TMEM87B: variants seen among roughly 807,000 people sequenced by gnomAD.
TMEM87B encodes the protein transmembrane protein 87B.
A neutral mutation model predicts 80.3 loss-of-function variants in TMEM87B; 83 were observed. That is an observed-to-expected ratio of 1.03 (90% CI 0.87 to 1.24). TMEM87B has a LOEUF of 1.24. Among genes scored for constraint, TMEM87B ranks in the 50% most tolerant of loss-of-function variants. TMEM87B has a pLI of 0.00. For synonymous variants in TMEM87B, 219 were observed against 230.5 expected (o/e 0.95, Z 0.45); for missense variants, 625 against 674.4 (o/e 0.93, Z 0.81).
chr2:112,088,141 G>A (rs1015533743), intron 9 of TMEM87B, among the ~76,000 whole-genome samples: 7 of 152,146 alleles, frequency 4.6e-5, no homozygotes, highest in Non-Finnish European at 7.4e-5. Flanking sequence ...ATTTTATCCT[G>A]GAAGCCTTTA....
intron 9 of TMEM87B, among the ~76,000 whole-genome samples, chr2:112,088,743 CA>C (rs933221095): frequency 2.0e-5 from 3 of 151,762 alleles, no homozygotes; most frequent in Non-Finnish European, 2.9e-5. Flanking sequence ...TTGAAAGAGC[CA>C]AAAAAAATTT....
chr2:112,070,139 G>T (rs935699163), intron 4 of TMEM87B, among the ~76,000 whole-genome samples: 3 of 151,700 alleles, frequency 2.0e-5, no homozygotes, highest in Non-Finnish European at 4.4e-5. Flanking sequence ...TTATTCTGTT[G>T]ATAGTTTCTT....
At chr2:112,110,286 A>T (rs149371436) in intron 17 of TMEM87B, among the ~76,000 whole-genome samples, 1 of 152,248 alleles carries the variant, frequency 6.6e-6, no homozygotes, top group East Asian at 1.9e-4. Context: ...ACTTTTCTGC[A>T]TCACTGCACT....
intron 9 of TMEM87B, among the ~76,000 whole-genome samples, chr2:112,087,239 C>A (rs986605341): frequency 6.6e-6 from 1 of 152,092 alleles, no homozygotes; most frequent in Non-Finnish European, 1.5e-5. Flanking sequence ...AGGCTCCCAC[C>A]CGAGCAGGGG....
chr2:112,065,685 A>G (rs1268251373), intron 3 of TMEM87B, among the ~76,000 whole-genome samples: 1 of 148,810 alleles, frequency 6.7e-6, no homozygotes, highest in Non-Finnish European at 1.5e-5. Context: ...GTGTCCCAAT[A>G]TTGTCTTTTA....
chr2:112,076,488 T>C (rs1384342981), intron 5 of TMEM87B, among the ~76,000 whole-genome samples: 2 of 151,782 alleles, frequency 1.3e-5, no homozygotes, highest in African/African-American at 4.8e-5. Flanking sequence ...TACAGGTGCC[T>C]ACCACCACAC....
Position 112,117,402 on chromosome 2 carries a change from C to T in TMEM87B, c.*1259C>T, listed in dbSNP as rs757324879. On this transcript the variant is annotated 3_prime_UTR_variant, in exon 19 of 19. Transcript: ENST00000283206. Reference sequence around the variant, plus strand: ...ATTAAAATCTTAACCGGCACAAACACTCCAATTTTTTTCACTGTGAAGCCG... The same window carrying T: ...ATTAAAATCTTAACCGGCACAAACATTCCAATTTTTTTCACTGTGAAGCCG... 3.3e-5 allele frequency: 5 copies of T among 152,092 alleles called. No homozygotes were observed. Among genetic ancestry groups the T allele is most frequent in the African/African-American group, 2.4e-5 (1 of 41,404 alleles). 9.4% of individuals were successfully genotyped at this position (152,092 alleles called of 1,614,324 possible).
chr2:112,079,600 C>A (rs913211377), intron 6 of TMEM87B, among the ~76,000 whole-genome samples: 2 of 152,176 alleles, frequency 1.3e-5, no homozygotes, highest in African/African-American at 2.4e-5. Flanking sequence ...CTTTGACAAA[C>A]TGATTTTAGA....
intron 11 of TMEM87B, chr2:112,095,524 A>G: frequency 4.5e-6 from 4 of 898,060 alleles, no homozygotes; most frequent in Non-Finnish European, 5.3e-6. Context: ...TTTTAATCCT[A>G]GAAATTTGGT....
At chr2:112,083,016 T>C (rs989611740) in intron 8 of TMEM87B, among the ~76,000 whole-genome samples, 1 of 152,236 alleles carries the variant, frequency 6.6e-6, no homozygotes, top group African/African-American at 2.4e-5. Flanking sequence ...GCTGATGTCC[T>C]TTCTGATTTT....
At chr2:112,101,305 C>T (rs1005818641) in intron 15 of TMEM87B, among the ~76,000 whole-genome samples, 3 of 151,694 alleles carry the variant, frequency 2.0e-5, no homozygotes, top group African/African-American at 7.3e-5. Context: ...TCTAATACAT[C>T]GATGAAATAG....
At chr2:112,076,029 T>C (rs1678801145) in intron 5 of TMEM87B, among the ~76,000 whole-genome samples, 1 of 152,212 alleles carries the variant, frequency 6.6e-6, no homozygotes, top group South Asian at 2.1e-4. Context: ...ATTTAGCTTA[T>C]GTACTTAATC....
intron 4 of TMEM87B, among the ~76,000 whole-genome samples, chr2:112,067,962 C>T (rs1307072795): frequency 2.0e-5 from 3 of 152,188 alleles, no homozygotes; most frequent in Admixed American, 6.5e-5. Context: ...CCTGTAATCC[C>T]AGCACTTTGG....
intron 9 of TMEM87B, among the ~76,000 whole-genome samples, chr2:112,088,460 A>T (rs1367745533): frequency 6.6e-6 from 1 of 152,218 alleles, no homozygotes; most frequent in Non-Finnish European, 1.5e-5. Flanking sequence ...AATGAATCAG[A>T]ATTTAGATTC....
intron 3 of TMEM87B, among the ~76,000 whole-genome samples, chr2:112,065,020 G>A (rs1480021260): frequency 6.6e-6 from 1 of 152,082 alleles, no homozygotes; most frequent in Non-Finnish European, 1.5e-5. Context: ...GTGCAGTGGT[G>A]CGATCATGGC....
chr2:112,063,165 C>CA (rs1384475549), intron 2 of TMEM87B, among the ~76,000 whole-genome samples: 1 of 152,172 alleles, frequency 6.6e-6, no homozygotes, highest in African/African-American at 2.4e-5. Context: ...CACATTTTAT[C>CA]AGAGTTGGTC....
chr2:112,098,601 A>T lies in TMEM87B; in HGVS notation c.1279A>T (p.Met427Leu). ...TGAATTGTCCTTCTTTTAGGATTGG[A>T]TGGAACGCTGGGTTGACGATGCATT... The part of the protein sequence containing the change: ...FRIAKCQSDW[M>L]ERWVDDAFWS... The change falls in exon 14 of 19, where the codon ATG becomes TTG. Residue 427 changes from methionine (M) to leucine (L), a missense_variant. By Grantham distance (15) the Met-to-Leu change is conservative. Transcript: ENST00000283206. The T allele has an allele frequency of 6.2e-7, 1 of 1,614,094 alleles. No homozygotes were observed. Among genetic ancestry groups the T allele is most frequent in the Non-Finnish European group, 8.5e-7 (1 of 1,179,986 alleles).
rs1033524091 is a variant in TMEM87B, at chr2:112,119,235, T to C, written c.*3092T>C. 1.3e-5 allele frequency: 2 copies of C among 152,212 alleles called. No individual in the cohort carries two copies. Among genetic ancestry groups the C allele is most frequent in the Non-Finnish European group, 2.9e-5 (2 of 68,014 alleles). The allele number at this position is 152,212 out of a possible 1,614,324, so 9.4% of individuals were successfully genotyped here. A position where few individuals can be genotyped will look rare whatever the true frequency, so the allele number is the denominator to read the frequency against. On this transcript the variant is annotated 3_prime_UTR_variant, in exon 19 of 19. Transcript: ENST00000283206. ...TCGTTGAATGTAGGACATAACCGTT[T>C]GAAGGGTTTTCATTTGAAAAATTGA...
Position 112,061,625 on chromosome 2 carries a change from A to G in TMEM87B, c.226+1588A>G, listed in dbSNP as rs537778120. Among the ~76,000 whole-genome samples, 429 of 152,366 alleles carry G rather than the reference A, an allele frequency of 2.8e-3. 2 individuals carry two copies. The highest frequency in any genetic ancestry group is 4.3e-3 in the Non-Finnish European group (293 of 68,034). On this transcript the variant is annotated intron_variant, in intron 2 of 18. Transcript: ENST00000283206. ...AAGTCTAGACAAAGGATTTAAAAGA[A>G]TCTCAGTCTGGTGCTGACAAAAAGT...
Sources: gnomAD v4.1 joint callset for allele counts (sites outside exome capture counted in the v4.1 genomes callset) on GRCh38, gnomAD v4.1.1 for gene constraint, MANE v1.5 for transcripts, NCBI Gene and HGNC (gene_info 2026-07-23, HGNC 2026-07-21) for gene names.